DLGAP1: variants seen among roughly 807,000 people sequenced by gnomAD.
The protein encoded by DLGAP1 is DLG associated protein 1.
A neutral mutation model predicts 90.8 loss-of-function variants in DLGAP1; 11 were observed. The ratio of observed to expected loss-of-function variants is 0.12; its 90% CI spans 0.08 to 0.20. The LOEUF is 0.20. Among genes scored for constraint, DLGAP1 ranks in the 10% least tolerant of loss-of-function variants. DLGAP1 has a pLI of 1.00. For synonymous variants in DLGAP1, 558 were observed against 540.7 expected, an observed-to-expected ratio of 1.03 and a Z score of -0.44; for missense variants, 1,050 against 1,333.8, an observed-to-expected ratio of 0.79 and a Z score of 3.31.
chr18:3,862,503 T>C (rs1276196641), intron 4 of DLGAP1, among the ~76,000 whole-genome samples: 1 of 151,610 alleles, frequency 6.6e-6, no homozygotes, highest in Non-Finnish European at 1.5e-5. Flanking sequence ...TGCTGCCTAC[T>C]TGGCTGATGG....
At chr18:3,748,102 C>T (rs2063345878) in intron 5 of DLGAP1, among the ~76,000 whole-genome samples, 1 of 152,198 alleles carries the variant, frequency 6.6e-6, no homozygotes, top group South Asian at 2.1e-4. Context: ...CTTCTTTTTC[C>T]ATCCTTCTCC....
intron 2 of DLGAP1, among the ~76,000 whole-genome samples, chr18:4,010,100 A>G (rs1314590349): frequency 6.6e-6 from 1 of 152,252 alleles, no homozygotes; most frequent in Admixed American, 6.5e-5. Flanking sequence ...GACATGATAC[A>G]GGGTTACACA....
intron 1 of DLGAP1, among the ~76,000 whole-genome samples, chr18:4,171,564 CAAAA>C (rs113484195): frequency 1.1e-5 from 1 of 87,512 alleles, no homozygotes. Context: ...GACTCCATCT[CAAAA>C]AAAAAAAAAG....
chr18:4,262,726 C>T (rs974428666), intron 1 of DLGAP1, among the ~76,000 whole-genome samples: 3 of 152,132 alleles, frequency 2.0e-5, no homozygotes, highest in African/African-American at 7.2e-5. Context: ...GTTTGAACCA[C>T]CCTCAGTAAT....
At chr18:3,632,131 A>G (rs1332335734) in intron 7 of DLGAP1, among the ~76,000 whole-genome samples, 1 of 152,084 alleles carries the variant, frequency 6.6e-6, no homozygotes, top group African/African-American at 2.4e-5. Context: ...TCCTTACTTA[A>G]TTATTAACCA....
chr18:4,256,452 A>G (rs1272560299), intron 1 of DLGAP1, among the ~76,000 whole-genome samples: 1 of 152,170 alleles, frequency 6.6e-6, no homozygotes, highest in East Asian at 1.9e-4. Flanking sequence ...TCCGTATATA[A>G]GTTCTCCTAC....
chr18:3,909,243 C>T (rs2071979938), intron 3 of DLGAP1, among the ~76,000 whole-genome samples: 1 of 152,066 alleles, frequency 6.6e-6, no homozygotes, highest in South Asian at 2.1e-4. Flanking sequence ...GACTTTCTAC[C>T]ATAGGTAAGA....
intron 7 of DLGAP1, among the ~76,000 whole-genome samples, chr18:3,688,170 C>A: frequency 6.6e-6 from 1 of 152,144 alleles, no homozygotes; most frequent in East Asian, 1.9e-4. Context: ...CTCGGCCTCC[C>A]AAAGTGCTGG....
intron 7 of DLGAP1, among the ~76,000 whole-genome samples, chr18:3,664,409 A>G (rs1477371995): frequency 1.3e-5 from 2 of 152,184 alleles, no homozygotes; most frequent in African/African-American, 4.8e-5. Flanking sequence ...GTATGTAGCA[A>G]CAGATGACAG....
At chr18:4,200,594 C>A in intron 1 of DLGAP1, among the ~76,000 whole-genome samples, 1 of 147,724 alleles carries the variant, frequency 6.8e-6, no homozygotes, top group African/African-American at 2.6e-5. Flanking sequence ...ATATTTAATA[C>A]TTTAAAATAT....
At chr18:4,235,179 C>G (rs562121) in intron 1 of DLGAP1, among the ~76,000 whole-genome samples, 85,863 of 152,010 alleles carry the variant, frequency 0.56, 24,588 homozygotes, top group East Asian at 0.81. Context: ...AGCACTCCTT[C>G]AAATTAGAAG....
intron 2 of DLGAP1, among the ~76,000 whole-genome samples, chr18:4,077,951 G>A (rs1475913761): frequency 6.6e-6 from 1 of 152,174 alleles, no homozygotes; most frequent in Non-Finnish European, 1.5e-5. Flanking sequence ...ATTTAAACAG[G>A]CTGTGTAAAT....
intron 4 of DLGAP1, among the ~76,000 whole-genome samples, chr18:3,863,080 G>A (rs1382888935): frequency 6.6e-6 from 1 of 152,256 alleles, no homozygotes; most frequent in Non-Finnish European, 1.5e-5. Context: ...AATGTTGATT[G>A]AGGGATTAAT....
intron 7 of DLGAP1, among the ~76,000 whole-genome samples, chr18:3,669,490 C>A (rs1046256853): frequency 1.3e-5 from 2 of 152,188 alleles, no homozygotes; most frequent in Non-Finnish European, 1.5e-5. Flanking sequence ...TGTTGGGAAA[C>A]ACATCGGCAG....
chr18:3,678,560 G>C (rs1049808031), intron 7 of DLGAP1, among the ~76,000 whole-genome samples: 2 of 152,060 alleles, frequency 1.3e-5, no homozygotes, highest in Non-Finnish European at 2.9e-5. Flanking sequence ...TTTGTTCTTA[G>C]AGTCCCCATT....
At chr18:3,886,893 G>T (rs1043075372) in intron 3 of DLGAP1, among the ~76,000 whole-genome samples, 15 of 152,134 alleles carry the variant, frequency 9.9e-5, no homozygotes, top group African/African-American at 3.6e-4. Flanking sequence ...CCCCTTCTCT[G>T]GCTGGAACGC....
At chr18:4,257,973 A>ATGTGTGTGTGTGTG (rs10625642) in intron 1 of DLGAP1, among the ~76,000 whole-genome samples, 47 of 141,358 alleles carry the variant, frequency 3.3e-4, no homozygotes, top group South Asian at 9.0e-4. Context: ...AGTTATACAT[A>ATGTGTGTGTGTGTG]TGTGTGTGTG....
chr18:4,330,107 T>A (rs2080914801), intron 1 of DLGAP1, among the ~76,000 whole-genome samples: 1 of 152,072 alleles, frequency 6.6e-6, no homozygotes, highest in African/African-American at 2.4e-5. Flanking sequence ...AGTTTGTGTT[T>A]TTCAAAAACA....
rs967386645 is a variant in DLGAP1, at chr18:4,037,960, A to T, written c.-158-32759T>A. ...GGGCAACAGAGTGAGACTCCGTCTCAAAAACAAAAATTACCTTTTAACTGC... is the reference window on the plus strand; with the variant it reads ...GGGCAACAGAGTGAGACTCCGTCTCTAAAACAAAAATTACCTTTTAACTGC... On this transcript the variant is annotated intron_variant, in intron 2 of 12. Transcript: ENST00000315677. Among the ~76,000 whole-genome samples the T allele has an allele frequency of 5.8e-4, 89 of 152,352 alleles. 1 individual carries two copies. Among genetic ancestry groups the T allele is most frequent in the African/African-American group, 2.1e-3 (86 of 41,582 alleles).
Sources: allele counts gnomAD v4.1 joint callset (sites outside exome capture counted in the v4.1 genomes callset), GRCh38; gene constraint gnomAD v4.1.1; transcripts MANE v1.5; gene names NCBI Gene and HGNC (gene_info 2026-07-23, HGNC 2026-07-21).